Variants in HDAC4 observed in about 807,000 individuals in gnomAD.
The protein encoded by HDAC4 is histone deacetylase A.
In HDAC4, 16 loss-of-function variants were observed where a neutral mutation model predicts 135.1. The observed-to-expected ratio is 0.12, with a 90% CI of 0.08 to 0.18. The LOEUF (loss-of-function observed/expected upper bound fraction) is 0.18. Ranked by LOEUF, HDAC4 falls within the 10% of genes least tolerant of loss-of-function variation. The probability of loss-of-function intolerance (pLI) is 1.00; values close to 1 mark genes in which losing one functional copy is unlikely to be tolerated. For synonymous variants in HDAC4, 685 were observed against 653.4 expected (o/e 1.05, Z -0.74); for missense variants, 1,143 against 1,511.8 (o/e 0.76, Z 4.05).
At chr2:239,390,972 G>A (rs1696159343) in intron 1 of HDAC4, among the ~76,000 whole-genome samples, 2 of 152,220 alleles carry the variant, frequency 1.3e-5, no homozygotes. Flanking sequence ...CAGTCTCAGG[G>A]CAGCTCCCTC....
chr2:239,132,488 C>CT (rs1559487460), intron 11 of HDAC4, among the ~76,000 whole-genome samples: 1 of 152,168 alleles, frequency 6.6e-6, no homozygotes, highest in Admixed American at 6.5e-5. Flanking sequence ...AGGCGTAAAG[C>CT]AAGGCCAGAG....
intron 3 of HDAC4, among the ~76,000 whole-genome samples, chr2:239,216,196 A>G (rs2153108862): frequency 6.6e-6 from 1 of 152,306 alleles, no homozygotes; most frequent in East Asian, 1.9e-4. Context: ...GTGTTTATAT[A>G]TATACACACA....
intron 7 of HDAC4, among the ~76,000 whole-genome samples, chr2:239,155,952 C>T (rs2042398212): frequency 6.6e-6 from 1 of 152,192 alleles, no homozygotes; most frequent in Non-Finnish European, 1.5e-5. Flanking sequence ...TTCTTGCTAC[C>T]CCAGCGCACT....
chr2:239,089,168 C>A (rs943202082), intron 18 of HDAC4, among the ~76,000 whole-genome samples: 1 of 152,170 alleles, frequency 6.6e-6, no homozygotes, highest in Non-Finnish European at 1.5e-5. Context: ...TCTGAAAAGT[C>A]TATTAAAATC....
chr2:239,387,040 C>T (rs575808786), intron 1 of HDAC4, among the ~76,000 whole-genome samples: 3 of 152,330 alleles, frequency 2.0e-5, no homozygotes, highest in South Asian at 2.1e-4. Flanking sequence ...TCTGTCCGTG[C>T]GTCTATCTGT....
intron 22 of HDAC4, among the ~76,000 whole-genome samples, chr2:239,076,188 T>C (rs1227936521): frequency 1.4e-5 from 2 of 147,758 alleles, no homozygotes; most frequent in African/African-American, 5.0e-5. Flanking sequence ...CAGAGCTGGG[T>C]TGGGTTGGAA....
intron 8 of HDAC4, 110 bp downstream of exon 8, chr2:239,144,473 A>C: frequency 7.2e-7 from 1 of 1,396,134 alleles, no homozygotes; most frequent in African/African-American, 1.4e-5. Context: ...GGGGGTTGAC[A>C]GCGTGAGGCA....
rs371470707 is a variant in HDAC4 at position 239,138,238 on chromosome 2, T to C, written c.978+1446A>G. On this transcript the variant is annotated intron_variant, in intron 9 of 26. Coordinates refer to ENST00000543185, the MANE Select transcript of HDAC4 (RefSeq NM_001378414.1). The stretch of plus-strand genomic sequence containing the variant: ...GAAGACAGGTAATAAAAGAAATCGA[T>C]GTATGAAGTAGAAAGAGTAAGAGAA... Among the ~76,000 whole-genome samples the C allele has an allele frequency of 2.6e-4, 39 of 152,252 alleles. No homozygotes were observed. The East Asian group carries it at 7.1e-3, about 28-fold the overall frequency.
At chr2:239,315,605 C>G (rs941952310) in intron 2 of HDAC4, among the ~76,000 whole-genome samples, 1 of 152,162 alleles carries the variant, frequency 6.6e-6, no homozygotes, top group Non-Finnish European at 1.5e-5. Context: ...AACAGAAGTA[C>G]AGACGGAACT....
At chr2:239,242,258 G>GAGGGAGGA (rs2048230608) in intron 2 of HDAC4, among the ~76,000 whole-genome samples, 1 of 138,780 alleles carries the variant, frequency 7.2e-6, no homozygotes, top group Non-Finnish European at 1.6e-5. Flanking sequence ...GGGAGGGAGG[G>GAGGGAGGA]AAACGAACAG....
At chr2:239,196,662 G>T (rs1344358938) in intron 3 of HDAC4, among the ~76,000 whole-genome samples, 1 of 152,166 alleles carries the variant, frequency 6.6e-6, no homozygotes, top group Non-Finnish European at 1.5e-5. Flanking sequence ...CTAACATCTG[G>T]CAGGGCAGTC....
chr2:239,334,128 G>A (rs553727277), intron 2 of HDAC4, among the ~76,000 whole-genome samples: 2 of 152,220 alleles, frequency 1.3e-5, no homozygotes, highest in East Asian at 1.9e-4. Flanking sequence ...CTGGAGACAC[G>A]ACAAATATAC....
chr2:239,081,859 G>T (rs955248963), intron 21 of HDAC4, among the ~76,000 whole-genome samples: 1 of 152,236 alleles, frequency 6.6e-6, no homozygotes, highest in Non-Finnish European at 1.5e-5. Flanking sequence ...ACCTCTGTCT[G>T]CCTGGATGGG....
chr2:239,360,627 G>C (rs1334328648), intron 1 of HDAC4, among the ~76,000 whole-genome samples: 1 of 152,198 alleles, frequency 6.6e-6, no homozygotes, highest in Non-Finnish European at 1.5e-5. Context: ...TACTAGATAG[G>C]AAGCGGGGGC....
Position 239,139,448 on chromosome 2 carries a change from TC to T in HDAC4, c.978+235del, listed in dbSNP as rs2041198057. 6.6e-6 allele frequency among the ~76,000 whole-genome samples: 1 copy of T among 152,020 alleles called. No homozygotes were observed. On this transcript the variant is annotated intron_variant, in intron 9 of 26. Coordinates refer to ENST00000543185, the MANE Select transcript of HDAC4 (RefSeq NM_001378414.1). This position sits in a 1 kb window ranked among gnomAD's most constrained non-coding sequence, Gnocchi z 5.3. Reference sequence around the variant, plus strand: ...GGAGAAAGGACCAGGCTCAGGGCTGTCCCCGACGTGCCTGGAACTAGCGTGT... The same window carrying T: ...GGAGAAAGGACCAGGCTCAGGGCTGTCCCGACGTGCCTGGAACTAGCGTGT...
intron 1 of HDAC4, among the ~76,000 whole-genome samples, chr2:239,399,924 A>C (rs528957707): frequency 6.6e-6 from 1 of 152,266 alleles, no homozygotes; most frequent in Non-Finnish European, 1.5e-5. Context: ...GAAAACACTC[A>C]TATCAGCTGC....
chr2:239,169,301 C>T (rs1182800894), intron 5 of HDAC4, among the ~76,000 whole-genome samples: 1 of 152,248 alleles, frequency 6.6e-6, no homozygotes, highest in Non-Finnish European at 1.5e-5. Context: ...AGGCCGGACC[C>T]CAGGCAGAGG....
chr2:239,097,564 G>T (rs867078140), intron 16 of HDAC4, among the ~76,000 whole-genome samples: 4 of 152,250 alleles, frequency 2.6e-5, no homozygotes, highest in Middle Eastern at 3.2e-3. Context: ...TCTCCTCTGT[G>T]CCTTGGTGAC....
At chr2:239,342,333 AAG>A (rs1325851048) in intron 2 of HDAC4, among the ~76,000 whole-genome samples, 1 of 152,192 alleles carries the variant, frequency 6.6e-6, no homozygotes, top group Non-Finnish European at 1.5e-5. Context: ...TACAAACTCA[AAG>A]AGCTAATTTG....
Sources: allele counts gnomAD v4.1 joint callset (sites outside exome capture counted in the v4.1 genomes callset), GRCh38; gene constraint gnomAD v4.1.1; non-coding constraint Gnocchi (gnomAD v3.1); transcripts MANE v1.5; gene names NCBI Gene and HGNC (gene_info 2026-07-23, HGNC 2026-07-21).